ADAMTS18: variants seen among roughly 807,000 people sequenced by gnomAD.
ADAMTS18 encodes the protein A disintegrin and metalloproteinase with thrombospondin motifs 18.
A neutral mutation model predicts 165.9 loss-of-function variants in ADAMTS18; 157 were observed. That is an observed-to-expected ratio of 0.95 (90% CI 0.83 to 1.08). The LOEUF (loss-of-function observed/expected upper bound fraction) is 1.08. Among genes scored for constraint, ADAMTS18 ranks in the 50% least tolerant of loss-of-function variants. The pLI, the probability that ADAMTS18 is intolerant of heterozygous loss-of-function variation, is 0.00. For synonymous variants in ADAMTS18, 782 were observed against 578.2 expected (o/e 1.35, Z -5.06); for missense variants, 2,040 against 1,534.0 (o/e 1.33, Z -5.51).
intron 10 of ADAMTS18, among the ~76,000 whole-genome samples, chr16:77,344,082 C>T (rs1333431095): frequency 4.0e-5 from 6 of 148,216 alleles, no homozygotes; most frequent in Non-Finnish European, 1.5e-5. Flanking sequence ...TTCCATGGGA[C>T]TGAGAAAACA....
intron 13 of ADAMTS18, 84 bp downstream of exon 13, chr16:77,325,782 T>C (rs1047575869): frequency 6.4e-6 from 9 of 1,395,992 alleles, no homozygotes; most frequent in African/African-American, 1.4e-5. Context: ...AACTCTTTGA[T>C]ACAAGCAGCA....
At chr16:77,412,036 T>G (rs2057471545) in intron 3 of ADAMTS18, among the ~76,000 whole-genome samples, 1 of 151,898 alleles carries the variant, frequency 6.6e-6, no homozygotes, top group Admixed American at 6.6e-5. Context: ...TGAGGGTGTT[T>G]CCAGGTGAAA....
intron 3 of ADAMTS18, among the ~76,000 whole-genome samples, chr16:77,377,671 C>T (rs999608399): frequency 6.6e-6 from 1 of 152,190 alleles, no homozygotes; most frequent in African/African-American, 2.4e-5. Context: ...TATTTGTGGT[C>T]ATCAATAATT....
intron 10 of ADAMTS18, among the ~76,000 whole-genome samples, chr16:77,352,539 G>A (rs2056570634): frequency 6.6e-6 from 1 of 152,126 alleles, no homozygotes; most frequent in Non-Finnish European, 1.5e-5. Flanking sequence ...GAAGATTGAG[G>A]TAAAGTAAAA....
chr16:77,288,502 G>T (rs1407494313), intron 22 of ADAMTS18, among the ~76,000 whole-genome samples: 1 of 151,984 alleles, frequency 6.6e-6, no homozygotes, highest in Non-Finnish European at 1.5e-5. Context: ...AGTGAAGAAT[G>T]GTACAGTTTA....
chr16:77,297,221 C>G (rs2055490428), intron 18 of ADAMTS18, 68 bp downstream of exon 18: 1 of 1,587,920 alleles, frequency 6.3e-7, no homozygotes, highest in African/African-American at 1.3e-5. Context: ...GAGCTTTCAT[C>G]ATCTCATAAC....
At chr16:77,426,076 G>A (rs2057668444) in intron 3 of ADAMTS18, among the ~76,000 whole-genome samples, 1 of 151,866 alleles carries the variant, frequency 6.6e-6, no homozygotes, top group Non-Finnish European at 1.5e-5. Context: ...GAGTTGGTGG[G>A]GAGGAGTGGT....
chr16:77,316,746 T>G (rs779987612), intron 16 of ADAMTS18, among the ~76,000 whole-genome samples: 3 of 152,156 alleles, frequency 2.0e-5, no homozygotes, highest in Non-Finnish European at 2.9e-5. Flanking sequence ...CTCGGCTTAT[T>G]GCAGCCTCTG....
At chr16:77,358,665 A>T (rs1336475707) in intron 8 of ADAMTS18, among the ~76,000 whole-genome samples, 1 of 152,234 alleles carries the variant, frequency 6.6e-6, no homozygotes, top group African/African-American at 2.4e-5. Context: ...CTTTGAAAAT[A>T]TATGAGTTAT....
chr16:77,380,777 G>A (rs903307933), intron 3 of ADAMTS18, among the ~76,000 whole-genome samples: 2 of 152,032 alleles, frequency 1.3e-5, no homozygotes, highest in African/African-American at 4.8e-5. Context: ...GGGGGTCAGT[G>A]GTTCCTATGC....
At chr16:77,403,185 T>C (rs1035838180) in intron 3 of ADAMTS18, among the ~76,000 whole-genome samples, 3 of 152,196 alleles carry the variant, frequency 2.0e-5, no homozygotes, top group Admixed American at 6.5e-5. Flanking sequence ...CAGGGTCATA[T>C]AGATAAGTGG....
intron 18 of ADAMTS18, 131 bp downstream of exon 18, chr16:77,297,158 T>C: frequency 7.4e-7 from 1 of 1,356,126 alleles, no homozygotes; most frequent in Non-Finnish European, 1.0e-6. Flanking sequence ...TCTATTACTT[T>C]TTAAAGTATT....
At chr16:77,302,340 CT>C (rs903574076) in intron 16 of ADAMTS18, among the ~76,000 whole-genome samples, 36 of 151,840 alleles carry the variant, frequency 2.4e-4, no homozygotes, top group South Asian at 6.2e-4. Flanking sequence ...CTTATTTTGC[CT>C]TTTTTTTATG....
At position 77,341,752 on chromosome 16, in the gene ADAMTS18, C is replaced by T; in HGVS notation, c.1662G>A (p.Glu554=). ...LWCHRVGHRC[E]TKFMPAAEGT... ...CTTCTGCTGCGGGCATAAACTTGGT[C>T]TCACACCTGTGGCCTACTCGGTGGC... Residue 554 remains glutamate (E), a synonymous_variant, in exon 11 of 23, where the codon GAG becomes GAA. Coordinates refer to ENST00000282849, the MANE Select transcript of ADAMTS18 (RefSeq NM_199355.4). The T allele has an allele frequency of 1.2e-6, 2 of 1,613,662 alleles. No individual in the cohort carries two copies. The highest frequency in any genetic ancestry group is 1.3e-5 in the African/African-American group (1 of 75,004).
chr16:77,294,365 C>G (rs527350993), intron 19 of ADAMTS18, among the ~76,000 whole-genome samples: 1 of 152,042 alleles, frequency 6.6e-6, no homozygotes, highest in South Asian at 2.1e-4. Context: ...ATCAAAATGT[C>G]TCCTGGTAGG....
In ADAMTS18 at chr16:77,400,813, G is replaced by A. The variant is rs9926008; in HGVS notation, c.495+30482C>T. ...ATTATGGCAGAATTTAACTCACAGT[G>A]CCCTCAGAAGAATCCTCTAGAAAGC... is the stretch of plus-strand genomic sequence containing the variant. On this transcript the variant is annotated intron_variant, in intron 3 of 22. Coordinates refer to ENST00000282849, the MANE Select transcript of ADAMTS18 (RefSeq NM_199355.4). Among the ~76,000 whole-genome samples, 323 of 152,064 alleles carry A rather than the reference G, an allele frequency of 2.1e-3. 1 individual carries two copies. Among genetic ancestry groups the A allele is most frequent in the African/African-American group, 7.4e-3 (305 of 41,470 alleles).
At position 77,434,623 on chromosome 16, in the gene ADAMTS18, G is replaced by C. The variant is rs1033765621; in HGVS notation, c.73C>G (p.Leu25Val). Residue 25 changes from leucine to valine, a missense_variant, in exon 1 of 23, where the codon CTG becomes GTG. Leu to Val is a conservative substitution (Grantham distance 32). Transcript: ENST00000282849. Reference sequence around the variant, plus strand: ...GCACCTGCCTTGGCCACGCGCCCCAGTCCCGCCAGGCCCCTCGGCGGGCCC... The same window carrying C: ...GCACCTGCCTTGGCCACGCGCCCCACTCCCGCCAGGCCCCTCGGCGGGCCC... ...GSGPPRGLAG[L>V]GRVAKALQLC... The C allele has an allele frequency of 6.6e-7, 1 of 1,509,502 alleles. No individual in the cohort carries two copies. The highest frequency in any genetic ancestry group is 8.8e-7 in the Non-Finnish European group (1 of 1,135,944). The allele number at this position is 1,509,502 out of a possible 1,614,324, so 93.5% of individuals were successfully genotyped here.
At position 77,341,666 on chromosome 16, in the gene ADAMTS18, A is replaced by C. The variant is rs114179941; in HGVS notation, c.1710+38T>G. ...ACAGTTTGAATTCTATGCCTTATCA[A>C]ATTTCTGGAGCTAAAAACTAACAAG... On this transcript the variant is annotated intron_variant, in intron 11 of 22. Coordinates refer to ENST00000282849, the MANE Select transcript of ADAMTS18 (RefSeq NM_199355.4). 265 of 1,550,396 alleles carry C rather than the reference A, an allele frequency of 1.7e-4. 2 individuals are homozygous for C. In the African/African-American group the frequency reaches 2.8e-3, roughly 16 times the overall value.
At chr16:77,362,035 C>T in intron 7 of ADAMTS18, 70 bp downstream of exon 7, 1 of 1,533,792 alleles carries the variant, frequency 6.5e-7, no homozygotes, top group Non-Finnish European at 9.0e-7. Context: ...GGCTATCCAT[C>T]ATCCATAGAA....
Sources: gnomAD v4.1 joint callset for allele counts (sites outside exome capture counted in the v4.1 genomes callset) on GRCh38, gnomAD v4.1.1 for gene constraint, MANE v1.5 for transcripts, NCBI Gene and HGNC (gene_info 2026-07-23, HGNC 2026-07-21) for gene names.